Variants in ST7 observed in about 807,000 individuals in gnomAD.
The protein encoded by ST7 is suppressor of tumorigenicity 7 protein.
A neutral mutation model predicts 78.7 loss-of-function variants in ST7; 28 were observed. The ratio of observed to expected loss-of-function variants is 0.36; its 90% CI spans 0.26 to 0.49. ST7 has a LOEUF of 0.49. Ranked by LOEUF, ST7 falls within the 20% of genes least tolerant of loss-of-function variation. ST7 has a pLI of 0.99. For missense variants in ST7, 418 were observed against 696.0 expected, an observed-to-expected ratio of 0.60 and a Z score of 4.49; for synonymous variants, 247 against 249.6, an observed-to-expected ratio of 0.99 and a Z score of 0.10.
At chr7:117,013,733 T>C (rs1795478327) in intron 1 of ST7, among the ~76,000 whole-genome samples, 1 of 152,148 alleles carries the variant, frequency 6.6e-6, no homozygotes, top group Non-Finnish European at 1.5e-5. Flanking sequence ...TTCAGGAGGC[T>C]GAGGCAGGAG....
At chr7:116,954,429 G>A (rs1167023154) in intron 1 of ST7, 1 of 152,414 alleles carries the variant, frequency 6.6e-6, no homozygotes, top group African/African-American at 2.4e-5. Context: ...GCAGTTTTCA[G>A]TGATCTTTGC....
intron 1 of ST7, among the ~76,000 whole-genome samples, chr7:117,007,970 A>G (rs1467724047): frequency 1.3e-5 from 2 of 152,214 alleles, no homozygotes; most frequent in African/African-American, 4.8e-5. Flanking sequence ...TATCTGTGTT[A>G]AAACTGTAAG....
intron 1 of ST7, among the ~76,000 whole-genome samples, chr7:117,031,053 G>C (rs1007805330): frequency 2.0e-5 from 3 of 152,082 alleles, no homozygotes; most frequent in Non-Finnish European, 2.9e-5. Context: ...GGATGGAACT[G>C]GAGGCCATTA....
chr7:117,222,117 A>C (rs922926075), intron 15 of ST7, 55 bp downstream of exon 15: 6 of 1,549,418 alleles, frequency 3.9e-6, no homozygotes, highest in Non-Finnish European at 5.2e-6. Context: ...AGCCAAGGGC[A>C]TAAAAGCAGC....
intron 1 of ST7, among the ~76,000 whole-genome samples, chr7:117,059,137 G>C (rs2116427018): frequency 6.6e-6 from 1 of 152,252 alleles, no homozygotes; most frequent in South Asian, 2.1e-4. Context: ...GCACAATGAG[G>C]TGACCATAGT....
At chr7:117,191,653 C>T (rs1026521725) in intron 12 of ST7, 3 of 152,064 alleles carry the variant, frequency 2.0e-5, no homozygotes, top group East Asian at 3.9e-4. Flanking sequence ...TGCTGTATTA[C>T]GTAATTATCA....
intron 13 of ST7, among the ~76,000 whole-genome samples, chr7:117,216,669 T>A (rs889099447): frequency 6.6e-6 from 1 of 152,186 alleles, no homozygotes; most frequent in Non-Finnish European, 1.5e-5. Context: ...CCCCTGCTTA[T>A]CTCACACTTG....
chr7:117,194,698 G>T (rs38891), intron 12 of ST7, among the ~76,000 whole-genome samples: 1 of 152,174 alleles, frequency 6.6e-6, no homozygotes, highest in Non-Finnish European at 1.5e-5. Context: ...CCCTCACCAC[G>T]GTTCTATACC....
Position 117,119,676 on chromosome 7 carries a change from A to G in ST7, c.350A>G (p.Asn117Ser). Residue 117 changes from asparagine to serine, a missense_variant, in exon 3 of 16, where the codon AAT (asparagine) becomes AGT (serine). Physicochemically the swap from Asn to Ser is conservative, Grantham distance 46. Around this residue, in one of 4 missense-constraint regions of ST7, gnomAD observed 36 missense variants for 29.7 expected, o/e 1.21. Coordinates refer to ENST00000323984, the MANE Select transcript of ST7 (RefSeq NM_001369598.1). Reference protein sequence around the residue: ...GVDNNSSNNSNSSNGDSDSNR... With the variant: ...GVDNNSSNNSSSSNGDSDSNR... The stretch of plus-strand genomic sequence containing the variant: ...GACAACAACTCTTCCAACAATTCTA[A>G]TTCCAGTAACGGGGACTCAGATTCC... 1 of 1,613,784 alleles carries G rather than the reference A, an allele frequency of 6.2e-7. No homozygotes were observed. The highest frequency in any genetic ancestry group is 8.5e-7 in the Non-Finnish European group (1 of 1,179,966).
intron 1 of ST7, among the ~76,000 whole-genome samples, chr7:117,037,436 A>G (rs1188092831): frequency 2.6e-5 from 4 of 152,208 alleles, no homozygotes; most frequent in Non-Finnish European, 4.4e-5. Flanking sequence ...TGGCCATGGC[A>G]TCTAACATCA....
At chr7:117,153,374 T>C (rs73468749) in intron 9 of ST7, among the ~76,000 whole-genome samples, 15 of 152,222 alleles carry the variant, frequency 9.9e-5, no homozygotes, top group African/African-American at 3.6e-4. Flanking sequence ...GAGGAAGTTC[T>C]GGGAAGGATC....
At chr7:117,169,695 G>A (rs997953141) in intron 9 of ST7, among the ~76,000 whole-genome samples, 1 of 151,834 alleles carries the variant, frequency 6.6e-6, no homozygotes, top group African/African-American at 2.4e-5. Flanking sequence ...TCTTGCTACT[G>A]TACCTGGGCT....
intron 1 of ST7, among the ~76,000 whole-genome samples, chr7:117,081,310 G>A (rs1332574870): frequency 6.6e-6 from 1 of 151,982 alleles, no homozygotes; most frequent in Non-Finnish European, 1.5e-5. Flanking sequence ...CTTTATTAAG[G>A]CCAGGATAAT....
chr7:117,026,796 T>G (rs1796204883), intron 1 of ST7, among the ~76,000 whole-genome samples: 1 of 152,206 alleles, frequency 6.6e-6, no homozygotes, highest in Non-Finnish European at 1.5e-5. Flanking sequence ...AAGGGGTGTT[T>G]GTGGAGAGAG....
At chr7:117,033,311 GT>G (rs1242360949) in intron 1 of ST7, among the ~76,000 whole-genome samples, 25 of 152,068 alleles carry the variant, frequency 1.6e-4, no homozygotes, top group African/African-American at 6.0e-4. Context: ...AACTTATTAA[GT>G]TTGGTTCCTG....
chr7:116,963,428 A>C (rs1200021737), intron 1 of ST7, among the ~76,000 whole-genome samples: 1 of 152,184 alleles, frequency 6.6e-6, no homozygotes, highest in Non-Finnish European at 1.5e-5. Flanking sequence ...TAAAATAAGG[A>C]ACTGACAGGC....
At chr7:117,120,036 C>T (rs903549706) in intron 3 of ST7, among the ~76,000 whole-genome samples, 1 of 151,818 alleles carries the variant, frequency 6.6e-6, no homozygotes, top group Non-Finnish European at 1.5e-5. Context: ...TCGGGTGATC[C>T]TCCTACCTCT....
intron 1 of ST7, among the ~76,000 whole-genome samples, chr7:117,066,347 C>T (rs748146707): frequency 5.9e-5 from 9 of 152,190 alleles, no homozygotes; most frequent in Non-Finnish European, 7.3e-5. Flanking sequence ...GCTCCAGTGC[C>T]TGGTATTTAG....
At chr7:116,956,191 G>A (rs1792467840) in intron 1 of ST7, among the ~76,000 whole-genome samples, 1 of 152,198 alleles carries the variant, frequency 6.6e-6, no homozygotes, top group African/African-American at 2.4e-5. Context: ...AGAAGTTATA[G>A]TAGGAAAACT....
Sources: gnomAD v4.1 joint callset for allele counts (sites outside exome capture counted in the v4.1 genomes callset) on GRCh38, gnomAD v4.1.1 for gene constraint, gnomAD v4.1.1 regional missense constraint, MANE v1.5 for transcripts, NCBI Gene and HGNC (gene_info 2026-07-23, HGNC 2026-07-21) for gene names.